Variants in KIAA0586 observed in about 807,000 individuals in gnomAD.
The protein encoded by KIAA0586 is protein TALPID3.
A neutral mutation model predicts 169.8 loss-of-function variants in KIAA0586; 144 were observed. The observed-to-expected ratio is 0.85, with a 90% CI of 0.74 to 0.97. The LOEUF (loss-of-function observed/expected upper bound fraction) is 0.97, where lower values mean the gene tolerates loss of function less well. KIAA0586 is among the 50% of genes least tolerant of loss of function. The pLI, the probability that KIAA0586 is intolerant of heterozygous loss-of-function variation, is 0.00. For synonymous variants in KIAA0586, 625 were observed against 612.4 expected (o/e 1.02, Z -0.30); for missense variants, 1,854 against 1,823.0 (o/e 1.02, Z -0.31).
chr14:58,475,546 A>ACC (rs1250676637), intron 19 of KIAA0586, among the ~76,000 whole-genome samples: 1 of 152,178 alleles, frequency 6.6e-6, no homozygotes, highest in African/African-American at 2.4e-5. Context: ...AACAAGCTGT[A>ACC]ATATGTTATT....
chr14:58,519,951 A>C (rs1325211695), intron 29 of KIAA0586, among the ~76,000 whole-genome samples: 1 of 152,232 alleles, frequency 6.6e-6, no homozygotes, highest in Non-Finnish European at 1.5e-5. Flanking sequence ...GCAAACAGCC[A>C]CAGTGGACTA....
intron 7 of KIAA0586, 110 bp downstream of exon 7, chr14:58,448,603 A>G (rs1033774642): frequency 3.0e-6 from 2 of 677,888 alleles, no homozygotes; most frequent in Non-Finnish European, 4.3e-6. Flanking sequence ...GTTTTATAAA[A>G]TTTATTTATA....
chr14:58,470,551 A>G, intron 16 of KIAA0586, 62 bp from the exon 17 acceptor site: 1 of 949,688 alleles, frequency 1.1e-6, no homozygotes, highest in South Asian at 1.4e-5. Context: ...ATATACACAT[A>G]CTCATAAAAA....
chr14:58,452,296 G>T (rs942618731), intron 8 of KIAA0586, among the ~76,000 whole-genome samples: 14 of 152,010 alleles, frequency 9.2e-5, no homozygotes, highest in African/African-American at 3.4e-4. Context: ...AAAATTAAAA[G>T]AAAAATAGTA....
chr14:58,455,527 C>A (rs1566817790), intron 9 of KIAA0586, among the ~76,000 whole-genome samples: 1 of 152,154 alleles, frequency 6.6e-6, no homozygotes, highest in Non-Finnish European at 1.5e-5. Flanking sequence ...AGTGACTTTC[C>A]TGGACTAATT....
chr14:58,502,578 T>C (rs2043646505), intron 27 of KIAA0586, among the ~76,000 whole-genome samples: 2 of 152,180 alleles, frequency 1.3e-5, no homozygotes, highest in South Asian at 2.1e-4. Context: ...CAGGGATCAC[T>C]GGGGGCTATC....
chr14:58,522,063 C>A, intron 29 of KIAA0586: 1 of 831,610 alleles, frequency 1.2e-6, no homozygotes, highest in Non-Finnish European at 2.0e-6. Flanking sequence ...TCAAATTTTT[C>A]ACCAGATCCT....
chr14:58,561,104 T>A, the KIAA0586 span, among the ~76,000 whole-genome samples: 400 of 152,334 alleles, frequency 2.6e-3, 1 homozygote, highest in Non-Finnish European at 4.1e-3. Flanking sequence ...AGTTGACAAG[T>A]TGTCCCCTAA....
chr14:58,542,502 T>C (rs554428494), intron 30 of KIAA0586, among the ~76,000 whole-genome samples: 6 of 151,980 alleles, frequency 3.9e-5, no homozygotes, highest in African/African-American at 1.4e-4. Flanking sequence ...TCCCAAAATA[T>C]ACATTAACAA....
chr14:58,491,230 C>G (rs1040325964), intron 25 of KIAA0586, among the ~76,000 whole-genome samples: 1 of 152,154 alleles, frequency 6.6e-6, no homozygotes, highest in Non-Finnish European at 1.5e-5. Flanking sequence ...CAAACCAAGA[C>G]TAAATTATAA....
At chr14:58,489,579 C>G (rs916697729) in intron 24 of KIAA0586, among the ~76,000 whole-genome samples, 3 of 151,822 alleles carry the variant, frequency 2.0e-5, no homozygotes, top group Non-Finnish European at 4.4e-5. Context: ...TAATATAACT[C>G]CATATTTTTC....
Position 58,460,979 on chromosome 14 carries a change from C to T in KIAA0586, c.1885-7C>T, listed in dbSNP as rs1259909057. On this transcript the variant is annotated splice_region_variant and splice_polypyrimidine_tract_variant and intron_variant, in intron 13 of 30. Coordinates refer to ENST00000652326, the MANE Select transcript of KIAA0586 (RefSeq NM_001329943.3). ...TCATGGTGAGTTGAATAACTTTGTACACACAGGGGCTTTTGAAAGCAACCA... is the reference window on the plus strand; with the variant it reads ...TCATGGTGAGTTGAATAACTTTGTATACACAGGGGCTTTTGAAAGCAACCA... The T allele has an allele frequency of 1.3e-6, 2 of 1,565,378 alleles. No individual in the cohort carries two copies. The highest frequency in any genetic ancestry group is 1.2e-5 in the South Asian group (1 of 83,186).
downstream of KIAA0586, among the ~76,000 whole-genome samples, chr14:58,553,968 A>G (rs1012001083): frequency 6.6e-6 from 1 of 152,176 alleles, no homozygotes; most frequent in South Asian, 2.1e-4. Context: ...ACCCTCACAC[A>G]TGAATTTACA....
At chr14:58,497,870 AT>A (rs557927775) in intron 26 of KIAA0586, among the ~76,000 whole-genome samples, 246 of 95,214 alleles carry the variant, frequency 2.6e-3, no homozygotes, top group African/African-American at 9.3e-3. Context: ...AGTGGTTTTG[AT>A]TTTTTTTTTT....
rs368131431 is a variant in KIAA0586, at chr14:58,451,286, C to T, written c.1129+540C>T. Among the ~76,000 whole-genome samples, 308 of 152,196 alleles carry T rather than the reference C, an allele frequency of 2.0e-3. 15 individuals carry two copies. In the South Asian group the frequency reaches 0.061, roughly 30 times the overall value. ...TGTCACCCAGACTGGAGTACAATGG[C>T]GTGATCATGGCTCACTGCAGCCTTT... On this transcript the variant is annotated intron_variant, in intron 8 of 30. Coordinates refer to ENST00000652326, the MANE Select transcript of KIAA0586 (RefSeq NM_001329943.3).
In KIAA0586 at chr14:58,488,716, C is replaced by G; in HGVS notation, c.3623C>G (p.Ala1208Gly). The G allele has an allele frequency of 6.2e-7, 1 of 1,613,896 alleles. No individual in the cohort carries two copies. The highest frequency in any genetic ancestry group is 8.5e-7 in the Non-Finnish European group (1 of 1,179,854). ...CCAGTTCCCTTTATGCCATTTCCTG[C>G]CGGCACCAAGGCCCCTTCCCCCTCA... Reference protein sequence around the residue: ...PEPVPFMPFPAGTKAPSPSQM... With the variant: ...PEPVPFMPFPGGTKAPSPSQM... Residue 1208 changes from alanine to glycine, a missense_variant, in exon 24 of 31, where the codon GCC becomes GGC. Ala to Gly is a moderately conservative substitution (Grantham distance 60). Transcript: ENST00000652326.
intron 28 of KIAA0586, among the ~76,000 whole-genome samples, chr14:58,509,207 G>A (rs2141437414): frequency 6.6e-6 from 1 of 152,096 alleles, no homozygotes; most frequent in African/African-American, 2.4e-5. Context: ...GACAGAGTGA[G>A]ACTCTTGTCT....
chr14:58,537,276 T>TC (rs1163865277), intron 29 of KIAA0586: 41 of 712,826 alleles, frequency 5.8e-5, no homozygotes, highest in Non-Finnish European at 6.8e-5. Context: ...GTCAAGATCC[T>TC]CCCCCAGTTT....
At position 58,487,184 on chromosome 14, in the gene KIAA0586, A is replaced by G. The variant is rs765829337; in HGVS notation, c.3304+18A>G. Reference sequence around the variant, plus strand: ...TGAAAAAGGTAGAAACTTTATTTCTATAACTCGGTTTTAATTTTAGCAACT... The same window carrying G: ...TGAAAAAGGTAGAAACTTTATTTCTGTAACTCGGTTTTAATTTTAGCAACT... On this transcript the variant is annotated intron_variant, in intron 22 of 30. Coordinates refer to ENST00000652326, the MANE Select transcript of KIAA0586 (RefSeq NM_001329943.3). 9 of 1,596,506 alleles carry G rather than the reference A, an allele frequency of 5.6e-6. No homozygotes were observed. The highest frequency in any genetic ancestry group is 5.6e-5 in the South Asian group (5 of 88,758).
Sources: allele counts gnomAD v4.1 joint callset (sites outside exome capture counted in the v4.1 genomes callset), GRCh38; gene constraint gnomAD v4.1.1; transcripts MANE v1.5; gene names NCBI Gene and HGNC (gene_info 2026-07-23, HGNC 2026-07-21).